Variants in FMNL2 observed in about 807,000 individuals in gnomAD.
FMNL2 encodes the protein formin-like protein 2.
In FMNL2, 51 loss-of-function variants were observed where a neutral mutation model predicts 130.2. The ratio of observed to expected loss-of-function variants is 0.39; its 90% CI spans 0.31 to 0.49. The LOEUF is 0.49. FMNL2 is among the 20% of genes least tolerant of loss of function. The probability of loss-of-function intolerance (pLI) is 0.85; values close to 1 mark genes in which losing one functional copy is unlikely to be tolerated. For missense variants in FMNL2, 977 were observed against 1,316.2 expected, an observed-to-expected ratio of 0.74 and a Z score of 3.99; for synonymous variants, 465 against 467.1, an observed-to-expected ratio of 1.00 and a Z score of 0.06.
chr2:152,575,460 A>C (rs370835802), intron 7 of FMNL2, among the ~76,000 whole-genome samples: 2 of 146,084 alleles, frequency 1.4e-5, no homozygotes, highest in Non-Finnish European at 3.1e-5. Context: ...CAAAAAAAAA[A>C]ACAGACTCAG....
intron 1 of FMNL2, among the ~76,000 whole-genome samples, chr2:152,484,589 A>C (rs1232613721): frequency 4.6e-5 from 7 of 152,096 alleles, no homozygotes; most frequent in Non-Finnish European, 1.0e-4. Flanking sequence ...CCTGGGCAGC[A>C]TGAGACCTCA....
chr2:152,335,788 G>A, intron 1 of FMNL2, 68 bp downstream of exon 1: 2 of 1,146,320 alleles, frequency 1.7e-6, no homozygotes, highest in African/African-American at 3.3e-5. Flanking sequence ...GCTGACCCCC[G>A]CCCCTCCCCT....
At chr2:152,486,357 A>AT (rs1690829403) in intron 1 of FMNL2, among the ~76,000 whole-genome samples, 1 of 152,176 alleles carries the variant, frequency 6.6e-6, no homozygotes, top group South Asian at 2.1e-4. Flanking sequence ...TTCAGGAGCT[A>AT]TTTACATAGC....
chr2:152,371,218 C>T (rs1243883113), intron 1 of FMNL2, among the ~76,000 whole-genome samples: 1 of 152,172 alleles, frequency 6.6e-6, no homozygotes, highest in Non-Finnish European at 1.5e-5. Context: ...CCCTATTTAT[C>T]ATGGGGGGAC....
At chr2:152,641,066 A>G (rs1010578984) in intron 25 of FMNL2, among the ~76,000 whole-genome samples, 152 bp downstream of exon 25, 4 of 152,182 alleles carry the variant, frequency 2.6e-5, no homozygotes, top group African/African-American at 9.7e-5. Flanking sequence ...GAGGCTTTGA[A>G]GTCCATTTAC....
intron 1 of FMNL2, among the ~76,000 whole-genome samples, chr2:152,474,991 C>A (rs1690070709): frequency 6.6e-6 from 1 of 152,232 alleles, no homozygotes; most frequent in African/African-American, 2.4e-5. Context: ...ACCCCTATAG[C>A]TTGCTCTCCA....
At chr2:152,349,220 A>T (rs13024533) in intron 1 of FMNL2, among the ~76,000 whole-genome samples, 1 of 151,832 alleles carries the variant, frequency 6.6e-6, no homozygotes. Context: ...GAAGTTTGTG[A>T]TCCAGTCCTA....
chr2:152,453,252 C>G (rs763571390), intron 1 of FMNL2, among the ~76,000 whole-genome samples: 1 of 151,874 alleles, frequency 6.6e-6, no homozygotes, highest in Non-Finnish European at 1.5e-5. Context: ...AAAGAAAATA[C>G]GGCTGAATGA....
intron 1 of FMNL2, among the ~76,000 whole-genome samples, chr2:152,348,389 C>G (rs1346774815): frequency 6.6e-6 from 1 of 152,158 alleles, no homozygotes; most frequent in Non-Finnish European, 1.5e-5. Flanking sequence ...TTTTACTTGG[C>G]TTAGCCTTGG....
At chr2:152,508,877 C>T (rs1692330659) in intron 1 of FMNL2, among the ~76,000 whole-genome samples, 1 of 152,096 alleles carries the variant, frequency 6.6e-6, no homozygotes, top group South Asian at 2.1e-4. Context: ...TGCATGCATG[C>T]TTGCTTTTTC....
At chr2:152,646,342 C>T (rs1375792228) in intron 25 of FMNL2, among the ~76,000 whole-genome samples, 1 of 14,398 alleles carries the variant, frequency 6.9e-5, no homozygotes, top group East Asian at 0.014. Context: ...AACCCCCGCC[C>T]ACCCCCCCAG....
chr2:152,572,539 G>A (rs1422343854), intron 6 of FMNL2, among the ~76,000 whole-genome samples: 1 of 152,132 alleles, frequency 6.6e-6, no homozygotes, highest in Non-Finnish European at 1.5e-5. Context: ...GCAGGGCGCA[G>A]TGGCTCATGC....
Position 152,628,359 on chromosome 2 carries a change from T to C in FMNL2, c.2226T>C (p.Thr742=), listed in dbSNP as rs747822120. The C allele has an allele frequency of 3.1e-6, 5 of 1,613,940 alleles. No individual in the cohort carries two copies. Among genetic ancestry groups the C allele is most frequent in the African/African-American group, 1.3e-5 (1 of 74,944 alleles). Residue 742 remains threonine (T), a synonymous_variant, in exon 18 of 26, where the codon ACT becomes ACC. Coordinates refer to ENST00000288670, the MANE Select transcript of FMNL2 (RefSeq NM_052905.4). ...FVECLMRFLP[T]ENEVKVLRLY... is the part of the protein sequence containing the mutation. The stretch of plus-strand genomic sequence containing the variant: ...AATGCTTGATGCGGTTCCTACCAAC[T>C]GAGAATGAAGTGAAAGTGCTTCGGC...
intron 1 of FMNL2, among the ~76,000 whole-genome samples, chr2:152,356,784 A>C (rs1161645838): frequency 6.6e-6 from 1 of 150,928 alleles, no homozygotes; most frequent in Non-Finnish European, 1.5e-5. Context: ...GACTTCAAGC[A>C]TAATGCTGAA....
chr2:152,638,851 G>GT (rs1425690596), intron 23 of FMNL2, among the ~76,000 whole-genome samples: 1 of 152,230 alleles, frequency 6.6e-6, no homozygotes, highest in African/African-American at 2.4e-5. Context: ...ATAAAAACAT[G>GT]TAAGTCTAAG....
chr2:152,487,594 C>G (rs1223062041), intron 1 of FMNL2, among the ~76,000 whole-genome samples: 3 of 151,970 alleles, frequency 2.0e-5, no homozygotes, highest in Non-Finnish European at 4.4e-5. Flanking sequence ...GGTTTCTTCC[C>G]TTAGTTCTTG....
intron 21 of FMNL2, among the ~76,000 whole-genome samples, chr2:152,635,649 A>G (rs1203096426): frequency 1.3e-5 from 2 of 152,248 alleles, no homozygotes; most frequent in Admixed American, 1.3e-4. Context: ...GAGTTGAGTC[A>G]GGCAAGGGGG....
At chr2:152,336,257 C>G (rs1003870531) in intron 1 of FMNL2, among the ~76,000 whole-genome samples, 18 of 152,204 alleles carry the variant, frequency 1.2e-4, no homozygotes, top group Admixed American at 1.0e-3. Flanking sequence ...GGGCTCACGT[C>G]GCGGCTTGGC....
chr2:152,367,849 G>A (rs1407690307), intron 1 of FMNL2, among the ~76,000 whole-genome samples: 1 of 152,218 alleles, frequency 6.6e-6, no homozygotes, highest in Non-Finnish European at 1.5e-5. Flanking sequence ...ATGCAGTCCT[G>A]TTGTGACCAT....
Sources: allele counts gnomAD v4.1 joint callset (sites outside exome capture counted in the v4.1 genomes callset), GRCh38; gene constraint gnomAD v4.1.1; transcripts MANE v1.5; gene names NCBI Gene and HGNC (gene_info 2026-07-23, HGNC 2026-07-21).